Variants in MCPH1 observed in about 807,000 individuals in gnomAD.
The protein encoded by MCPH1 is microcephalin.
In MCPH1, 104 loss-of-function variants were observed where a neutral mutation model predicts 84.5. That is an observed-to-expected ratio of 1.23 (90% CI 1.05 to 1.45). The LOEUF is 1.45. Among genes scored for constraint, MCPH1 ranks in the 40% most tolerant of loss-of-function variants. The pLI is 0.00. For synonymous variants in MCPH1, 514 were observed against 366.8 expected (o/e 1.40, Z -4.58); for missense variants, 1,498 against 1,005.7 (o/e 1.49, Z -6.62).
At chr8:6,419,540 C>A (rs535390117) in intron 3 of MCPH1, among the ~76,000 whole-genome samples, 19 of 149,748 alleles carry the variant, frequency 1.3e-4, no homozygotes, top group African/African-American at 4.4e-4. Context: ...CTACAGGCGC[C>A]CACCACCACA....
At chr8:6,463,089 G>A (rs1349256350) in intron 9 of MCPH1, among the ~76,000 whole-genome samples, 1 of 152,234 alleles carries the variant, frequency 6.6e-6, no homozygotes, top group African/African-American at 2.4e-5. Flanking sequence ...CAGGGGGTGA[G>A]TATAGGAGTA....
rs761698331 is a variant in MCPH1, at chr8:6,480,847, C to T, written c.2107C>T (p.Arg703Cys). ...RTLNVLLGIA[R>C]GCWVLSYDWV... The stretch of plus-strand genomic sequence containing the variant: ...CCTGAATGTGCTGCTGGGAATTGCG[C>T]GTGGCTGCTGGGTTCTCTCTTATGA... Residue 703 changes from arginine (R) to cysteine (C), a missense_variant, in exon 11 of 14, where the codon CGT (arginine) becomes TGT (cysteine). By Grantham distance (180) the Arg-to-Cys change is radical. Transcript: ENST00000344683. 60 of 1,614,038 alleles carry T rather than the reference C, an allele frequency of 3.7e-5. No homozygotes were observed. The Middle Eastern group carries it at 6.6e-4, about 18-fold the overall frequency.
intron 12 of MCPH1, among the ~76,000 whole-genome samples, chr8:6,602,903 G>C (rs1308465821): frequency 3.3e-5 from 5 of 151,948 alleles, no homozygotes; most frequent in African/African-American, 1.2e-4. Flanking sequence ...TCTTAAAATA[G>C]AAAATATATA....
intron 12 of MCPH1, among the ~76,000 whole-genome samples, chr8:6,529,205 G>A (rs1312598568): frequency 6.6e-6 from 1 of 152,170 alleles, no homozygotes; most frequent in Non-Finnish European, 1.5e-5. Flanking sequence ...GCAGGGGACT[G>A]TAAATTACCC....
chr8:6,610,656 G>GAAAGTACAGACCCCTAAGC (rs1461202083), intron 12 of MCPH1, among the ~76,000 whole-genome samples: 19 of 152,212 alleles, frequency 1.2e-4, no homozygotes, highest in Middle Eastern at 3.4e-3. Flanking sequence ...ATTCTGCTTA[G>GAAAGTACAGACCCCTAAGC]AAAGTACAGA....
chr8:6,614,249 C>A (rs536275150), intron 12 of MCPH1, among the ~76,000 whole-genome samples: 1 of 152,332 alleles, frequency 6.6e-6, no homozygotes, highest in African/African-American at 2.4e-5. Flanking sequence ...GGGCTTTCAC[C>A]AAAGCTTGGC....
chr8:6,422,321 T>C (rs1259711434), intron 3 of MCPH1, among the ~76,000 whole-genome samples: 1 of 132,980 alleles, frequency 7.5e-6, no homozygotes, highest in African/African-American at 2.5e-5. Context: ...AGAGAAAATA[T>C]CATGGGGGAA....
intron 12 of MCPH1, among the ~76,000 whole-genome samples, chr8:6,590,329 A>G (rs1020863846): frequency 6.6e-6 from 1 of 152,168 alleles, no homozygotes; most frequent in Non-Finnish European, 1.5e-5. Flanking sequence ...TTGGCCCATC[A>G]TCACCTCATG....
intron 4 of MCPH1, among the ~76,000 whole-genome samples, chr8:6,433,655 A>T (rs1563200975): frequency 7.0e-6 from 1 of 143,878 alleles, no homozygotes; most frequent in East Asian, 2.0e-4. Context: ...AAAAAAAAAA[A>T]CCTATTTCGT....
intron 9 of MCPH1, among the ~76,000 whole-genome samples, chr8:6,470,273 T>C (rs577842563): frequency 1.0e-3 from 159 of 152,204 alleles, no homozygotes; most frequent in African/African-American, 3.2e-3. Context: ...CCTCATACTT[T>C]GGGGTTTTTT....
chr8:6,464,999 GA>G (rs555185949), intron 9 of MCPH1, among the ~76,000 whole-genome samples: 71 of 138,202 alleles, frequency 5.1e-4, no homozygotes, highest in East Asian at 6.4e-4. Context: ...TTCCATCTCA[GA>G]AAAAAAAAAA....
chr8:6,480,959 C>T (rs984267418), intron 11 of MCPH1, 83 bp downstream of exon 11: 15 of 1,500,194 alleles, frequency 1.0e-5, no homozygotes, highest in African/African-American at 1.4e-5. Context: ...CATCAGCACT[C>T]AGGCCGGCGT....
chr8:6,551,124 G>C (rs986514944), intron 12 of MCPH1, among the ~76,000 whole-genome samples: 1 of 152,184 alleles, frequency 6.6e-6, no homozygotes, highest in African/African-American at 2.4e-5. Flanking sequence ...CCCCTGACTC[G>C]AAGCTGACCA....
In MCPH1 at chr8:6,489,836, A is replaced by T. The variant is rs150672237; in HGVS notation, c.2136+8960A>T. ...AGCATCTGAATCTGTTGGCTGAGTT[A>T]TCAGGGAAAAAAAATTTAAAAAGTA... On this transcript the variant is annotated intron_variant, in intron 11 of 13. Coordinates refer to ENST00000344683, the MANE Select transcript of MCPH1 (RefSeq NM_024596.5). 1.8e-3 allele frequency among the ~76,000 whole-genome samples: 275 copies of T among 152,292 alleles called. 2 individuals are homozygous for T. The highest frequency in any genetic ancestry group is 6.4e-3 in the African/African-American group (267 of 41,572).
chr8:6,628,469 C>CAAAAAA (rs34188003), intron 13 of MCPH1, among the ~76,000 whole-genome samples: 1 of 41,606 alleles, frequency 2.4e-5, no homozygotes, highest in Non-Finnish European at 4.8e-5. Flanking sequence ...GACTCTGTCT[C>CAAAAAA]AAAAAAAAAA....
chr8:6,628,525 T>C (rs28557038), intron 13 of MCPH1, among the ~76,000 whole-genome samples: 1,736 of 123,864 alleles, frequency 0.014, 29 homozygotes, highest in African/African-American at 0.049. Context: ...AATCCTAGAA[T>C]ACAGGAGTCA....
At chr8:6,608,186 C>T (rs903809693) in intron 12 of MCPH1, among the ~76,000 whole-genome samples, 7 of 152,140 alleles carry the variant, frequency 4.6e-5, no homozygotes, top group African/African-American at 1.7e-4. Flanking sequence ...ACGGCCTGCC[C>T]GGACCCTGAT....
intron 13 of MCPH1, among the ~76,000 whole-genome samples, chr8:6,631,452 C>T (rs1336654429): frequency 7.0e-6 from 1 of 143,282 alleles, no homozygotes; most frequent in Non-Finnish European, 1.5e-5. Context: ...ATATAAAGAA[C>T]TCCTGCAACT....
intron 5 of MCPH1, among the ~76,000 whole-genome samples, chr8:6,437,607 T>G (rs920830864): frequency 1.3e-5 from 2 of 152,162 alleles, no homozygotes; most frequent in East Asian, 1.9e-4. Flanking sequence ...GCCACATAAT[T>G]TTCCAGAAAC....
Sources: allele counts gnomAD v4.1 joint callset (sites outside exome capture counted in the v4.1 genomes callset), GRCh38; gene constraint gnomAD v4.1.1; transcripts MANE v1.5; gene names NCBI Gene and HGNC (gene_info 2026-07-23, HGNC 2026-07-21).